Variants in FRMD5 observed in about 807,000 individuals in gnomAD.
FRMD5 encodes FERM domain containing 5.
FRMD5 carries 20 observed loss-of-function variants against 69.0 expected under a neutral mutation model. The ratio of observed to expected loss-of-function variants is 0.29; its 90% confidence interval spans 0.20 to 0.42. The LOEUF is 0.42. Ranked by LOEUF, FRMD5 falls within the 10% of genes least tolerant of loss-of-function variation. FRMD5 has a pLI of 1.00. For missense variants in FRMD5, 595 were observed against 708.6 expected, an observed-to-expected ratio of 0.84 and a Z score of 1.82; for synonymous variants, 271 against 260.1, an observed-to-expected ratio of 1.04 and a Z score of -0.40.
chr15:44,189,093 T>A (rs2078151157), intron 1 of FRMD5, among the ~76,000 whole-genome samples: 1 of 152,224 alleles, frequency 6.6e-6, no homozygotes, highest in Non-Finnish European at 1.5e-5. Context: ...TTTAGAGAAC[T>A]TGATTCACAC....
intron 1 of FRMD5, among the ~76,000 whole-genome samples, chr15:44,045,585 T>A (rs1161312725): frequency 2.0e-5 from 3 of 152,204 alleles, no homozygotes; most frequent in Non-Finnish European, 4.4e-5. Context: ...GAAGATCAGA[T>A]GATTTATTAA....
chr15:44,000,677 C>T (rs1890171649), intron 1 of FRMD5, among the ~76,000 whole-genome samples: 1 of 152,172 alleles, frequency 6.6e-6, no homozygotes, highest in Non-Finnish European at 1.5e-5. Context: ...CCAAGCTGTT[C>T]TTGAACTCCT....
At chr15:43,885,895 C>G (rs910529196) in intron 10 of FRMD5, 140 bp from the exon 11 acceptor site, 41 of 688,338 alleles carry the variant, frequency 6.0e-5, no homozygotes, top group Non-Finnish European at 9.7e-5. Context: ...GTCTCTGACT[C>G]TCATTTAGGA....
chr15:44,025,411 T>C (rs144238626), intron 1 of FRMD5, among the ~76,000 whole-genome samples: 3 of 152,120 alleles, frequency 2.0e-5, no homozygotes, highest in African/African-American at 4.8e-5. Context: ...AAGAGATGCA[T>C]GGGAGAATGT....
intron 5 of FRMD5, among the ~76,000 whole-genome samples, chr15:43,907,696 C>T (rs1566827977): frequency 6.6e-6 from 1 of 152,082 alleles, no homozygotes; most frequent in African/African-American, 2.4e-5. Context: ...TTAGGAGAGA[C>T]GGGGTTTCAC....
chr15:44,166,822 T>G (rs2077718404), intron 1 of FRMD5, among the ~76,000 whole-genome samples: 1 of 149,618 alleles, frequency 6.7e-6, no homozygotes, highest in African/African-American at 2.5e-5. Context: ...AAAGTTCTTG[T>G]GCAAAGATTA....
At chr15:43,948,938 C>G (rs1236415587) in intron 1 of FRMD5, among the ~76,000 whole-genome samples, 1 of 152,232 alleles carries the variant, frequency 6.6e-6, no homozygotes, top group Non-Finnish European at 1.5e-5. Flanking sequence ...ACCTTAGTTT[C>G]TCTTTCCTAT....
At chr15:44,068,451 A>C (rs1202754471) in intron 1 of FRMD5, among the ~76,000 whole-genome samples, 1 of 152,248 alleles carries the variant, frequency 6.6e-6, no homozygotes, top group East Asian at 1.9e-4. Flanking sequence ...AGTATGGATG[A>C]ATCTTTAAAA....
At chr15:43,971,898 G>A (rs930876669) in intron 1 of FRMD5, among the ~76,000 whole-genome samples, 1 of 150,324 alleles carries the variant, frequency 6.7e-6, no homozygotes, top group Non-Finnish European at 1.5e-5. Context: ...AGTAGAGACA[G>A]GGTTTAAAAC....
chr15:44,034,905 C>T (rs1392068464), intron 1 of FRMD5, among the ~76,000 whole-genome samples: 4 of 152,142 alleles, frequency 2.6e-5, no homozygotes, highest in African/African-American at 9.7e-5. Flanking sequence ...TCTCTCCAAC[C>T]TGTCCACTTG....
intron 1 of FRMD5, among the ~76,000 whole-genome samples, chr15:43,939,182 A>G (rs979500572): frequency 7.2e-5 from 11 of 151,944 alleles, no homozygotes; most frequent in Admixed American, 2.6e-4. Flanking sequence ...CAATAGATTT[A>G]TTTTTTGATC....
intron 1 of FRMD5, among the ~76,000 whole-genome samples, chr15:44,179,121 A>C (rs1595561521): frequency 6.6e-6 from 1 of 152,342 alleles, no homozygotes; most frequent in South Asian, 2.1e-4. Flanking sequence ...AAAAAAAGTC[A>C]TATTAGCATA....
chr15:44,175,381 A>G (rs896638727), intron 1 of FRMD5, among the ~76,000 whole-genome samples: 3 of 152,240 alleles, frequency 2.0e-5, no homozygotes, highest in Non-Finnish European at 2.9e-5. Flanking sequence ...ATCATTAGCC[A>G]TTAGAGAAAT....
intron 1 of FRMD5, among the ~76,000 whole-genome samples, chr15:44,035,210 A>G (rs1391582089): frequency 6.6e-6 from 1 of 152,078 alleles, no homozygotes; most frequent in African/African-American, 2.4e-5. Context: ...CCCAAAAAAC[A>G]CTCTACATAA....
chr15:44,142,881 G>A (rs2077294077), intron 1 of FRMD5, among the ~76,000 whole-genome samples: 1 of 152,130 alleles, frequency 6.6e-6, no homozygotes, highest in Non-Finnish European at 1.5e-5. Flanking sequence ...ATGGGGTCAG[G>A]AGTTCAAGAC....
chr15:44,097,040 G>C (rs2076564159), intron 1 of FRMD5, among the ~76,000 whole-genome samples: 2 of 152,172 alleles, frequency 1.3e-5, no homozygotes, highest in African/African-American at 4.8e-5. Flanking sequence ...ATGTCTCGAA[G>C]AGTTTATTCA....
At chr15:44,179,779 A>G (rs2077963807) in intron 1 of FRMD5, among the ~76,000 whole-genome samples, 1 of 152,198 alleles carries the variant, frequency 6.6e-6, no homozygotes, top group Non-Finnish European at 1.5e-5. Context: ...TTACATTGCA[A>G]TTTTAGAGAT....
intron 1 of FRMD5, among the ~76,000 whole-genome samples, chr15:44,166,783 CAAAAAAAA>C (rs1006711939): frequency 5.7e-5 from 3 of 53,014 alleles, no homozygotes; most frequent in Admixed American, 2.1e-4. Context: ...GACCCTATCT[CAAAAAAAA>C]AAAAAAAAAA....
chr15:43,874,234 C>T lies in FRMD5; in HGVS notation c.1364G>A (p.Ser455Asn), dbSNP rs1215674483. 1 of 1,614,236 alleles carries T rather than the reference C, an allele frequency of 6.2e-7. No individual in the cohort carries two copies. The highest frequency in any genetic ancestry group is 1.7e-5 in the Admixed American group (1 of 60,032). Residue 455 changes from serine to asparagine, a missense_variant, in exon 14 of 14, where the codon AGC becomes AAC. Ser to Asn is a conservative substitution (Grantham distance 46, BLOSUM62 1). Around this residue, in one of 5 missense-constraint regions of FRMD5, gnomAD observed 245 missense variants for 227.1 expected, o/e 1.08. Transcript: ENST00000417257. The part of the protein sequence containing the change: ...LSRQINGATC[S>N]IEEEKESEAS... ...TTCAGATTCCTTCTCCTCCTCAATGCTGCAGGTGGCTCCATTGATCTGCCG... is the reference window on the plus strand; with the variant it reads ...TTCAGATTCCTTCTCCTCCTCAATGTTGCAGGTGGCTCCATTGATCTGCCG...
Sources: allele counts gnomAD v4.1 joint callset (sites outside exome capture counted in the v4.1 genomes callset), GRCh38; gene constraint gnomAD v4.1.1; regional missense constraint gnomAD v4.1.1; transcripts MANE v1.5; gene names NCBI Gene and HGNC (gene_info 2026-07-23, HGNC 2026-07-21).